The following LRMDA variants were observed in gnomAD, a reference collection of about 807,000 sequenced individuals.
LRMDA encodes the protein leucine-rich melanocyte differentiation-associated protein.
LRMDA carries 18 observed loss-of-function variants against 29.8 expected under a neutral mutation model. That is an observed-to-expected ratio of 0.60 (90% confidence interval 0.42 to 0.90). The LOEUF (loss-of-function observed/expected upper bound fraction) is 0.90, where lower values mean the gene tolerates loss of function less well. Ranked by LOEUF, LRMDA falls within the 40% of genes least tolerant of loss-of-function variation. The pLI, the probability that LRMDA is intolerant of heterozygous loss-of-function variation, is 0.00. For missense variants in LRMDA, 273 were observed against 273.9 expected, an observed-to-expected ratio of 1.00 and a Z score of 0.02; for synonymous variants, 125 against 109.4, an observed-to-expected ratio of 1.14 and a Z score of -0.89.
intron 2 of LRMDA, chr10:75,643,228 A>G (rs1012906383): frequency 5.3e-5 from 8 of 152,048 alleles, no homozygotes; most frequent in African/African-American, 1.9e-4. Flanking sequence ...ATTATTGTCC[A>G]TGCTAACTCT....
rs994582215 is a variant in LRMDA, at chr10:76,487,751, A to G, written c.602-69458A>G. Among the ~76,000 whole-genome samples, 3 of 151,930 alleles carry G rather than the reference A, an allele frequency of 2.0e-5. No individual in the cohort carries two copies. In the South Asian group the frequency reaches 6.2e-4, roughly 31 times the overall value. On this transcript the variant is annotated intron_variant, in intron 6 of 6. Coordinates refer to ENST00000611255, the MANE Select transcript of LRMDA (RefSeq NM_001305581.2). ...ATATGCCAAACACAAATGATGTTCTAAACATTTTACATAGATAGGTTACGC... is the reference window on the plus strand; with the variant it reads ...ATATGCCAAACACAAATGATGTTCTGAACATTTTACATAGATAGGTTACGC...
chr10:76,292,301 A>T (rs1840351728), intron 5 of LRMDA, among the ~76,000 whole-genome samples: 1 of 152,174 alleles, frequency 6.6e-6, no homozygotes. Flanking sequence ...AGTTTGGCAG[A>T]AGGGAAAATA....
rs1483458730 is a variant in LRMDA, at chr10:76,144,970, G to A, written c.516+86187G>A. On this transcript the variant is annotated intron_variant, in intron 5 of 6. Coordinates refer to ENST00000611255, the MANE Select transcript of LRMDA (RefSeq NM_001305581.2). ...GATAATCCTGTGGTTTTTGTCTTTG[G>A]TTCTGTTTATATGCTGGATTACATT... is the stretch of plus-strand genomic sequence containing the variant. Among the ~76,000 whole-genome samples the A allele has an allele frequency of 4.6e-5, 7 of 152,124 alleles. No individual in the cohort carries two copies. The South Asian group carries it at 1.2e-3, about 27-fold the overall frequency.
intron 2 of LRMDA, among the ~76,000 whole-genome samples, chr10:75,511,793 A>G (rs1468910053): frequency 2.0e-5 from 3 of 152,026 alleles, no homozygotes; most frequent in Non-Finnish European, 4.4e-5. Context: ...TCCCTTTCAA[A>G]CCTTCTAGAT....
intron 2 of LRMDA, among the ~76,000 whole-genome samples, chr10:75,631,176 A>G (rs1167561916): frequency 6.6e-6 from 1 of 152,116 alleles, no homozygotes; most frequent in African/African-American, 2.4e-5. Flanking sequence ...CTCATTGATT[A>G]TCACTGAACT....
chr10:75,877,698 A>C (rs750732110), intron 2 of LRMDA, among the ~76,000 whole-genome samples: 11 of 152,252 alleles, frequency 7.2e-5, no homozygotes, highest in South Asian at 2.1e-4. Context: ...TAGTATAAAA[A>C]TGTGCCACCT....
chr10:76,116,730 G>A (rs10824369), intron 5 of LRMDA, among the ~76,000 whole-genome samples: 52,467 of 151,944 alleles, frequency 0.35, 10,451 homozygotes, highest in East Asian at 0.66. Context: ...CAAGGCAGCC[G>A]TTTTGATTGA....
intron 5 of LRMDA, among the ~76,000 whole-genome samples, chr10:76,112,141 G>A (rs1376990853): frequency 1.3e-5 from 2 of 152,182 alleles, no homozygotes; most frequent in South Asian, 2.1e-4. Context: ...GCAGGAGGAG[G>A]GGCTGGCAGC....
At chr10:76,537,453 C>T (rs1843303320) in intron 6 of LRMDA, among the ~76,000 whole-genome samples, 1 of 152,198 alleles carries the variant, frequency 6.6e-6, no homozygotes, top group South Asian at 2.1e-4. Flanking sequence ...CCTTGGTCTT[C>T]ATTGAGCTAA....
chr10:76,545,704 C>G (rs1367418866), intron 6 of LRMDA, among the ~76,000 whole-genome samples: 1 of 150,106 alleles, frequency 6.7e-6, no homozygotes, highest in Non-Finnish European at 1.5e-5. Context: ...AGCTTTCAGA[C>G]TGCTATTGGG....
chr10:76,014,859 A>C (rs1425451295), intron 2 of LRMDA, among the ~76,000 whole-genome samples: 2 of 152,322 alleles, frequency 1.3e-5, no homozygotes, highest in East Asian at 3.9e-4. Context: ...GGCGTGACCT[A>C]GAGTGGCCAA....
intron 2 of LRMDA, among the ~76,000 whole-genome samples, chr10:75,704,608 A>C (rs1842345528): frequency 6.6e-6 from 1 of 152,148 alleles, no homozygotes; most frequent in African/African-American, 2.4e-5. Context: ...TTAGTGATAG[A>C]GTCTTGGTCT....
At chr10:76,245,620 C>T (rs1336019606) in intron 5 of LRMDA, among the ~76,000 whole-genome samples, 1 of 152,196 alleles carries the variant, frequency 6.6e-6, no homozygotes, top group East Asian at 1.9e-4. Flanking sequence ...ACATTTTATA[C>T]ATTATAAACC....
At chr10:75,637,954 T>C (rs1478496614) in intron 2 of LRMDA, among the ~76,000 whole-genome samples, 1 of 152,238 alleles carries the variant, frequency 6.6e-6, no homozygotes, top group East Asian at 1.9e-4. Flanking sequence ...CCAGCAGCAC[T>C]GACAAACAGC....
chr10:75,717,751 G>A (rs1255304810), intron 2 of LRMDA, among the ~76,000 whole-genome samples: 1 of 152,118 alleles, frequency 6.6e-6, no homozygotes. Flanking sequence ...CCAGCAGAGG[G>A]TAGAGTGTTC....
At chr10:76,075,714 G>C (rs1848945624) in intron 5 of LRMDA, among the ~76,000 whole-genome samples, 1 of 152,200 alleles carries the variant, frequency 6.6e-6, no homozygotes, top group African/African-American at 2.4e-5. Flanking sequence ...AATGGGTACA[G>C]TGATGCAGAT....
intron 5 of LRMDA, among the ~76,000 whole-genome samples, chr10:76,262,097 G>T (rs1241130693): frequency 6.6e-6 from 1 of 152,048 alleles, no homozygotes; most frequent in African/African-American, 2.4e-5. Flanking sequence ...AAATTAATCA[G>T]ATGTGGTGGT....
chr10:75,846,771 G>C (rs555924348), intron 2 of LRMDA, among the ~76,000 whole-genome samples: 1 of 152,088 alleles, frequency 6.6e-6, no homozygotes, highest in South Asian at 2.1e-4. Context: ...ATTTATAATA[G>C]CATCAAAAAG....
chr10:75,544,519 C>T (rs977794639), intron 2 of LRMDA, among the ~76,000 whole-genome samples: 2 of 152,118 alleles, frequency 1.3e-5, no homozygotes, highest in Non-Finnish European at 2.9e-5. Flanking sequence ...TTTTTCTTGT[C>T]TTCCTATTCA....
Sources: gnomAD v4.1 joint callset for allele counts (sites outside exome capture counted in the v4.1 genomes callset) on GRCh38, gnomAD v4.1.1 for gene constraint, MANE v1.5 for transcripts, NCBI Gene and HGNC (gene_info 2026-07-23, HGNC 2026-07-21) for gene names.